The following BRWD3 variants were observed in gnomAD, a reference collection of about 807,000 sequenced individuals.
The protein encoded by BRWD3 is bromodomain and WD repeat domain containing 3, also known as bromodomain and WD repeat-containing protein 3.
In BRWD3, 10 loss-of-function variants were observed where a neutral mutation model predicts 149.7. The observed-to-expected ratio is 0.07, with a 90% CI of 0.04 to 0.11. BRWD3 has a LOEUF of 0.11. Among genes scored for constraint, BRWD3 ranks in the 10% least tolerant of loss-of-function variants. BRWD3 has a pLI of 1.00. For missense variants in BRWD3, 940 were observed against 1,373.2 expected (o/e 0.68, Z 4.99); for synonymous variants, 504 against 456.7 (o/e 1.10, Z -1.32).
intron 19 of BRWD3, chrX:80,717,301 A>C (rs2147744899): frequency 5.9e-6 from 2 of 336,971 alleles, no homozygotes; most frequent in South Asian, 8.7e-5. Context: ...AGTTCTTAAT[A>C]CTACTTGTAT....
At chrX:80,764,530 G>A (rs2073837834) in intron 6 of BRWD3, among the ~76,000 whole-genome samples, 1 of 109,114 alleles carries the variant, frequency 9.2e-6, no homozygotes. Flanking sequence ...AGCCAGGATG[G>A]TCTCGATCTC....
chrX:80,735,942 A>AT (rs765502879), intron 9 of BRWD3, 46 bp downstream of exon 9: 6 of 881,728 alleles, frequency 6.8e-6, no homozygotes, highest in Non-Finnish European at 9.9e-6. Context: ...AAGGCAATAG[A>AT]TAAAAAATTA....
intron 36 of BRWD3, 45 bp downstream of exon 36, chrX:80,685,417 A>C: frequency 2.8e-6 from 3 of 1,079,755 alleles, no homozygotes; most frequent in Non-Finnish European, 3.9e-6. Context: ...AGAGTTTAGA[A>C]AGTAAAAACA....
intron 6 of BRWD3, among the ~76,000 whole-genome samples, chrX:80,754,584 G>A (rs1215475659): frequency 8.9e-6 from 1 of 112,136 alleles, no homozygotes; most frequent in African/African-American, 3.2e-5. Context: ...TCTTGCTCCA[G>A]TTCTTAGAAG....
intron 14 of BRWD3, 152 bp from the exon 15 acceptor site, chrX:80,725,219 T>C (rs929275438): frequency 3.5e-6 from 2 of 568,308 alleles, no homozygotes; most frequent in East Asian, 3.7e-5. Context: ...ATGAACAATA[T>C]AGGTCAGTGA....
At chrX:80,777,694 G>A (rs1183402297) in intron 6 of BRWD3, among the ~76,000 whole-genome samples, 2 of 111,762 alleles carry the variant, frequency 1.8e-5, no homozygotes, top group Non-Finnish European at 3.8e-5. Context: ...CACCATGGCC[G>A]GCCTCTGATT....
rs770322444 is a variant in BRWD3, at chrX:80,745,743, G to A, written c.431-14C>T. The A allele has an allele frequency of 6.8e-6, 8 of 1,183,784 alleles. No homozygotes were observed. Among genetic ancestry groups the A allele is most frequent in the South Asian group, 5.5e-5 (3 of 54,417 alleles). On this transcript the variant is annotated splice_polypyrimidine_tract_variant and intron_variant, in intron 6 of 40. Coordinates refer to ENST00000373275, the MANE Select transcript of BRWD3 (RefSeq NM_153252.5). ...AGGTGATATTCACTGAAAAAAATAC[G>A]AAATTAACTTAAAACTTAAAAGTGA... is the stretch of plus-strand genomic sequence containing the variant.
In BRWD3 at chrX:80,723,886, AGAG is replaced by A. The variant is rs1200374319; in HGVS notation, c.1522-13_1522-11del. ...GGCCTTGGCCTTCAATCTGAAATTC[AGAG>A]GAGTCTCAAGTCATCTTAAGAGTAA... On this transcript the variant is annotated splice_polypyrimidine_tract_variant and intron_variant, in intron 15 of 40. Coordinates refer to ENST00000373275, the MANE Select transcript of BRWD3 (RefSeq NM_153252.5). 1 of 1,208,038 alleles carries A rather than the reference AGAG, an allele frequency of 8.3e-7. No homozygotes were observed. Among genetic ancestry groups the A allele is most frequent in the African/African-American group, 1.7e-5 (1 of 57,241 alleles).
At position 80,809,769 on chromosome X, in the gene BRWD3, G is replaced by A. The variant is rs1454850458; in HGVS notation, c.-298C>T. The stretch of plus-strand genomic sequence containing the variant: ...GAGAGAGAGAGGAAAAAGAGAGAGA[G>A]AGAGAGAGAGAGAGAGAGAGAGAGA... On this transcript the variant is annotated 5_prime_UTR_variant, in exon 1 of 41. Transcript: ENST00000373275. 1.0e-5 allele frequency: 1 copy of A among 95,390 alleles called. No individual in the cohort carries two copies. Among genetic ancestry groups the A allele is most frequent in the African/African-American group, 6.2e-5 (1 of 16,045 alleles). 7.9% of individuals were successfully genotyped at this position (95,390 alleles called of 1,213,427 possible).
chrX:80,733,415 T>C (rs933645158), intron 12 of BRWD3, 41 bp downstream of exon 12: 2 of 1,064,603 alleles, frequency 1.9e-6, no homozygotes, highest in Non-Finnish European at 1.3e-6. Flanking sequence ...TAGTAAAATA[T>C]ATCAAACATT....
At chrX:80,746,278 G>A (rs765220948) in intron 6 of BRWD3, among the ~76,000 whole-genome samples, 1 of 110,600 alleles carries the variant, frequency 9.0e-6, no homozygotes, top group Admixed American at 9.7e-5. Context: ...AAACAACCTA[G>A]GTTTGTCTAT....
At chrX:80,726,006 C>T (rs1602357284) in intron 14 of BRWD3, among the ~76,000 whole-genome samples, 2 of 107,178 alleles carry the variant, frequency 1.9e-5, no homozygotes, top group South Asian at 7.7e-4. Flanking sequence ...AACATGTTTA[C>T]ATGTTATATG....
At chrX:80,733,405 T>G in intron 12 of BRWD3, 51 bp downstream of exon 12, 1 of 965,608 alleles carries the variant, frequency 1.0e-6, no homozygotes, top group Non-Finnish European at 1.5e-6. Flanking sequence ...GAGGGAATGG[T>G]AGTAAAATAT....
intron 6 of BRWD3, among the ~76,000 whole-genome samples, chrX:80,791,552 T>A (rs187674851): frequency 1.8e-5 from 2 of 111,658 alleles, no homozygotes; most frequent in African/African-American, 6.5e-5. Flanking sequence ...ACTCAGCACA[T>A]AGACATGTAA....
At position 80,684,173 on chromosome X, in the gene BRWD3, G is replaced by A. The variant is rs768479161; in HGVS notation, c.4081-11C>T. 1 of 1,187,398 alleles carries A rather than the reference G, an allele frequency of 8.4e-7. No homozygotes were observed. Among genetic ancestry groups the A allele is most frequent in the Non-Finnish European group, 1.1e-6 (1 of 875,963 alleles). On this transcript the variant is annotated splice_polypyrimidine_tract_variant and intron_variant, in intron 36 of 40. Coordinates refer to ENST00000373275, the MANE Select transcript of BRWD3 (RefSeq NM_153252.5). ...AACATCTTGATAATCCTACAAAGAA[G>A]AATGTGTTATTAAATACTGTATAGC...
rs1007908844 is a variant in BRWD3, at chrX:80,674,351, C to A, written c.*2258G>T. The A allele has an allele frequency of 3.6e-5, 4 of 111,134 alleles. No homozygotes were observed. The highest frequency in any genetic ancestry group is 1.3e-4 in the African/African-American group (4 of 30,686). 9.2% of individuals were successfully genotyped at this position (111,134 alleles called of 1,213,427 possible). A position where few individuals can be genotyped will look rare whatever the true frequency, so the allele number is the denominator to read the frequency against. On this transcript the variant is annotated 3_prime_UTR_variant, in exon 41 of 41. Transcript: ENST00000373275. ...AATTATAAATAAAGCTCCAGATAGC[C>A]AAAATCACACAAATGTCAATTCTTC...
chrX:80,734,301 T>C (rs1341762924), intron 10 of BRWD3, 83 bp from the exon 11 acceptor site: 6 of 619,823 alleles, frequency 9.7e-6, no homozygotes, highest in Non-Finnish European at 1.3e-5. Context: ...GTATGCTACC[T>C]TGCATTAGTA....
intron 7 of BRWD3, among the ~76,000 whole-genome samples, chrX:80,745,105 A>G (rs2073571590): frequency 9.0e-6 from 1 of 111,688 alleles, no homozygotes; most frequent in African/African-American, 3.2e-5. Context: ...AGCTTAAAAA[A>G]TAACCAGTAC....
At chrX:80,728,727 A>C in intron 14 of BRWD3, 25 bp downstream of exon 14, 1 of 1,157,146 alleles carries the variant, frequency 8.6e-7, no homozygotes, top group Non-Finnish European at 1.2e-6. Flanking sequence ...GACCATTTTA[A>C]TTACTCTAAA....
Sources: gnomAD v4.1 joint callset for allele counts (sites outside exome capture counted in the v4.1 genomes callset) on GRCh38, gnomAD v4.1.1 for gene constraint, MANE v1.5 for transcripts, NCBI Gene and HGNC (gene_info 2026-07-23, HGNC 2026-07-21) for gene names.